Variants in PCSK6 observed in about 807,000 individuals in gnomAD.
The protein encoded by PCSK6 is proprotein convertase subtilisin/kexin type 6, also known as paired basic amino acid cleaving enzyme 4.
A neutral mutation model predicts 123.3 loss-of-function variants in PCSK6; 85 were observed. The ratio of observed to expected loss-of-function variants is 0.69; its 90% CI spans 0.58 to 0.83. PCSK6 has a LOEUF of 0.83. Among genes scored for constraint, PCSK6 ranks in the 40% least tolerant of loss-of-function variants. PCSK6 has a pLI of 0.00. For synonymous variants in PCSK6, 508 were observed against 516.0 expected (o/e 0.98, Z 0.21); for missense variants, 1,191 against 1,282.3 (o/e 0.93, Z 1.09).
rs543745301 is a variant in PCSK6 at position 101,475,078 on chromosome 15, C to T, written c.297+14296G>A. Among the ~76,000 whole-genome samples, 17 of 152,356 alleles carry T rather than the reference C, an allele frequency of 1.1e-4. No homozygotes were observed. The South Asian group carries it at 3.5e-3, about 32-fold the overall frequency. On this transcript the variant is annotated intron_variant, in intron 1 of 21. Coordinates refer to ENST00000611716, the MANE Select transcript of PCSK6 (RefSeq NM_002570.5). Reference sequence around the variant, plus strand: ...AGCGCCACTGGTCACAAAGGCTTCCCTGAATCCCCAGTTGAGAGGCTGCCC... The same window carrying T: ...AGCGCCACTGGTCACAAAGGCTTCCTTGAATCCCCAGTTGAGAGGCTGCCC...
chr15:101,387,791 G>A lies in PCSK6; in HGVS notation c.1310+1673C>T, dbSNP rs1181047543. ...TCCACAGCAGTAGTGAACAGAGAGA[G>A]AAGGCGGCCTGGGGCCAACCTGCAC... On this transcript the variant is annotated intron_variant, in intron 9 of 21. Coordinates refer to ENST00000611716, the MANE Select transcript of PCSK6 (RefSeq NM_002570.5). Among the ~76,000 whole-genome samples the A allele has an allele frequency of 2.0e-5, 3 of 152,268 alleles. No homozygotes were observed. In the East Asian group the frequency reaches 5.8e-4, roughly 29 times the overall value.
At chr15:101,374,040 C>T (rs773136351) in intron 11 of PCSK6, among the ~76,000 whole-genome samples, 1 of 152,204 alleles carries the variant, frequency 6.6e-6, no homozygotes, top group Non-Finnish European at 1.5e-5. Context: ...GCAAAACCTG[C>T]CTGGAGACCG....
chr15:101,484,471 CT>C (rs2057970397), intron 1 of PCSK6, among the ~76,000 whole-genome samples: 1 of 152,242 alleles, frequency 6.6e-6, no homozygotes, highest in Non-Finnish European at 1.5e-5. Context: ...TCACTGCAAC[CT>C]CCACCTCCCA....
chr15:101,331,812 C>G, intron 14 of PCSK6, 40 bp downstream of exon 14: 3 of 1,608,598 alleles, frequency 1.9e-6, no homozygotes, highest in South Asian at 2.2e-5. Flanking sequence ...AATCAAAGCT[C>G]GTGGAAGCTG....
chr15:101,414,820 T>G (rs1216127513), intron 6 of PCSK6, among the ~76,000 whole-genome samples: 1 of 152,148 alleles, frequency 6.6e-6, no homozygotes, highest in Non-Finnish European at 1.5e-5. Context: ...TCCAAAGATA[T>G]CTGAAATCAG....
intron 1 of PCSK6, among the ~76,000 whole-genome samples, chr15:101,461,877 A>T (rs564568872): frequency 6.6e-6 from 1 of 152,346 alleles, no homozygotes; most frequent in East Asian, 1.9e-4. Flanking sequence ...TAATGTGGAA[A>T]CCCTGAAAGC....
rs762554824 is a variant in PCSK6, at chr15:101,303,982, A to G, written c.*1276T>C. The G allele has an allele frequency of 6.6e-6, 1 of 152,598 alleles. No homozygotes were observed. Among genetic ancestry groups the G allele is most frequent in the Non-Finnish European group, 1.5e-5 (1 of 68,032 alleles). 9.5% of individuals were successfully genotyped at this position (152,598 alleles called of 1,614,324 possible). Reference sequence around the variant, plus strand: ...TTAGGGTTAACATTGTACTTGCTTCATTGATTTCTCTTTCAGAGTTGTAGA... The same window carrying G: ...TTAGGGTTAACATTGTACTTGCTTCGTTGATTTCTCTTTCAGAGTTGTAGA... On this transcript the variant is annotated 3_prime_UTR_variant, in exon 22 of 22. Transcript: ENST00000611716.
At chr15:101,408,142 C>T (rs1227779878) in intron 6 of PCSK6, among the ~76,000 whole-genome samples, 1 of 152,206 alleles carries the variant, frequency 6.6e-6, no homozygotes, top group Non-Finnish European at 1.5e-5. Flanking sequence ...ACCCGTACAT[C>T]TGCACCACAC....
chr15:101,435,433 G>T (rs1355743930), intron 2 of PCSK6, among the ~76,000 whole-genome samples: 1 of 152,212 alleles, frequency 6.6e-6, no homozygotes, highest in Non-Finnish European at 1.5e-5. Context: ...GCAAAGGCAA[G>T]GTTTGCCAAA....
intron 1 of PCSK6, among the ~76,000 whole-genome samples, chr15:101,456,574 G>A (rs1226808691): frequency 2.0e-5 from 3 of 152,162 alleles, no homozygotes; most frequent in African/African-American, 7.2e-5. Context: ...TGACAGGAGC[G>A]AGCATGACAC....
At chr15:101,440,346 T>C (rs774864857) in intron 2 of PCSK6, among the ~76,000 whole-genome samples, 16 of 152,232 alleles carry the variant, frequency 1.1e-4, no homozygotes, top group Non-Finnish European at 1.5e-5. Flanking sequence ...GACTGTACCA[T>C]TCCGGTACAG....
At chr15:101,409,753 C>T (rs1021904081) in intron 6 of PCSK6, among the ~76,000 whole-genome samples, 8 of 152,162 alleles carry the variant, frequency 5.3e-5, no homozygotes, top group Admixed American at 1.3e-4. Flanking sequence ...CCACTCACCT[C>T]CCCTGCATAT....
intron 6 of PCSK6, among the ~76,000 whole-genome samples, chr15:101,410,809 C>A (rs2042924440): frequency 6.6e-6 from 1 of 152,204 alleles, no homozygotes; most frequent in South Asian, 2.1e-4. Context: ...GCTGTGTGAA[C>A]CCAGATGTGG....
At position 101,489,566 on chromosome 15, in the gene PCSK6, G is replaced by GC. The variant is rs1382718024; in HGVS notation, c.104dup (p.Ala36ArgfsTer81). ...GCGGCCGGAACCCGGGCCCGCCGGC[G>GC]CCCCCCGCGCCCCCCGCGCCCCCCG... On this transcript the variant is annotated frameshift_variant, in exon 1 of 22. Transcript: ENST00000611716. LOFTEE classifies it high-confidence loss of function. The GC allele has an allele frequency of 1.1e-6, 1 of 896,192 alleles. No individual in the cohort carries two copies. The highest frequency in any genetic ancestry group is 1.3e-6 in the Non-Finnish European group (1 of 778,412). The allele number at this position is 896,192 out of a possible 1,614,324, so 55.5% of individuals were successfully genotyped here. A position where few individuals can be genotyped will look rare whatever the true frequency, so the allele number is the denominator to read the frequency against.
At chr15:101,393,134 T>G (rs977241016) in intron 8 of PCSK6, 78 bp downstream of exon 8, 1 of 1,172,754 alleles carries the variant, frequency 8.5e-7, no homozygotes, top group African/African-American at 1.5e-5. Flanking sequence ...GCCATCTTTC[T>G]GAGAAAGGGA....
rs1319045640 is a variant in PCSK6, at chr15:101,489,461, G to A, written c.210C>T (p.Tyr70=). The A allele has an allele frequency of 1.3e-5, 15 of 1,139,866 alleles. No homozygotes were observed. Among genetic ancestry groups the A allele is most frequent in the Non-Finnish European group, 1.5e-5 (14 of 928,370 alleles). The allele number at this position is 1,139,866 out of a possible 1,614,324, so 70.6% of individuals were successfully genotyped here. The part of the protein sequence containing the change: ...ACSAPPPRPV[Y]TNHWAVQVLG... ...GCACTTGCACCGCCCAGTGGTTGGT[G>A]TAGACGGGGCGCGGCGGGGGCGCGG... The change falls in exon 1 of 22, where the codon TAC becomes TAT. Residue 70 remains tyrosine (Y), a synonymous_variant. Transcript: ENST00000611716.
At chr15:101,395,299 T>G (rs1456698099) in intron 7 of PCSK6, among the ~76,000 whole-genome samples, 2 of 152,222 alleles carry the variant, frequency 1.3e-5, no homozygotes, top group African/African-American at 4.8e-5. Context: ...CAATGCAGAC[T>G]TGTGCCCCAA....
chr15:101,488,800 A>G (rs897399790), intron 1 of PCSK6, among the ~76,000 whole-genome samples: 1 of 150,798 alleles, frequency 6.6e-6, no homozygotes, highest in African/African-American at 2.4e-5. Flanking sequence ...GCTCCCGGCC[A>G]TCTACCCCCG....
chr15:101,467,242 G>A (rs562322895), intron 1 of PCSK6, among the ~76,000 whole-genome samples: 3 of 151,308 alleles, frequency 2.0e-5, no homozygotes, highest in African/African-American at 7.3e-5. Context: ...GTGTACTAGC[G>A]GTCTTGTATA....
Sources: allele counts gnomAD v4.1 joint callset (sites outside exome capture counted in the v4.1 genomes callset), GRCh38; gene constraint gnomAD v4.1.1; transcripts MANE v1.5; gene names NCBI Gene and HGNC (gene_info 2026-07-23, HGNC 2026-07-21).